The following TAF5L variants were observed in gnomAD, a reference collection of about 807,000 sequenced individuals.
TAF5L encodes TATA-box binding protein associated factor 5 like.
Under a neutral mutation model 51.3 loss-of-function variants are expected in TAF5L, and 7 were observed. That is an observed-to-expected ratio of 0.14 (90% CI 0.08 to 0.26). The LOEUF is 0.26. TAF5L is among the 10% of genes least tolerant of loss of function. The probability of loss-of-function intolerance (pLI) is 1.00; values close to 1 mark genes in which losing one functional copy is unlikely to be tolerated. For synonymous variants in TAF5L, 291 were observed against 308.1 expected (o/e 0.94, Z 0.58); for missense variants, 575 against 758.9 (o/e 0.76, Z 2.85).
chr1:229,615,617 G>GA (rs1199492928), intron 1 of TAF5L, among the ~76,000 whole-genome samples: 1,995 of 134,964 alleles, frequency 0.015, 39 homozygotes, highest in African/African-American at 0.049. Context: ...AAGGGAAAAA[G>GA]AAAAAAAAAA....
intron 2 of TAF5L, among the ~76,000 whole-genome samples, chr1:229,611,372 C>G (rs746584693): frequency 1.3e-5 from 2 of 152,134 alleles, no homozygotes; most frequent in Non-Finnish European, 2.9e-5. Flanking sequence ...GGGAAGCCAC[C>G]TTTAACCGCG....
intron 2 of TAF5L, 60 bp from the exon 3 acceptor site, chr1:229,610,270 T>C: frequency 6.6e-7 from 1 of 1,512,648 alleles, no homozygotes; most frequent in Non-Finnish European, 9.2e-7. Context: ...ATTAACCCAG[T>C]ACGTGGCAGG....
chr1:229,611,846 T>A (rs1166183837), intron 2 of TAF5L, among the ~76,000 whole-genome samples: 6 of 152,226 alleles, frequency 3.9e-5, no homozygotes, highest in Non-Finnish European at 8.8e-5. Context: ...AAACATCTAA[T>A]GGTTCCTTTG....
intron 2 of TAF5L, chr1:229,614,117 A>C (rs1471031811): frequency 1.4e-6 from 1 of 710,820 alleles, no homozygotes; most frequent in Non-Finnish European, 2.4e-6. Context: ...GACTTTAGCC[A>C]GGGGAATCAC....
chr1:229,602,606 C>T lies in TAF5L; in HGVS notation c.561G>A (p.Leu187=). 1 of 1,614,146 alleles carries T rather than the reference C, an allele frequency of 6.2e-7. No homozygotes were observed. The highest frequency in any genetic ancestry group is 8.5e-7 in the Non-Finnish European group (1 of 1,180,028). Residue 187 remains leucine (L), a synonymous_variant, in exon 4 of 5, where the codon CTG becomes CTA. Coordinates refer to ENST00000258281, the Ensembl canonical transcript of TAF5L. This position sits in a 1 kb window ranked among gnomAD's most constrained non-coding sequence, Gnocchi z 4.6. ...GAATATGTAAGGTGAGGACTTTGCACAGGGCAGTATTGTTGTCACTTTGGA... is the reference window on the plus strand; with the variant it reads ...GAATATGTAAGGTGAGGACTTTGCATAGGGCAGTATTGTTGTCACTTTGGA...
chr1:229,613,046 A>T (rs1571847602), intron 2 of TAF5L, among the ~76,000 whole-genome samples: 1 of 152,158 alleles, frequency 6.6e-6, no homozygotes, highest in East Asian at 1.9e-4. Flanking sequence ...CCTGTTACAC[A>T]GTGGCTCACA....
rs1236287596 is a variant in TAF5L at position 229,606,086 on chromosome 1, C to T, written c.248-3167G>A. 3.1e-6 allele frequency: 3 copies of T among 959,810 alleles called. No individual in the cohort carries two copies. In the African/African-American group the frequency reaches 5.3e-5, roughly 17 times the overall value. The allele number at this position is 959,810 out of a possible 1,614,324, so 59.5% of individuals were successfully genotyped here. A position where few individuals can be genotyped will look rare whatever the true frequency, so the allele number is the denominator to read the frequency against. On this transcript the variant is annotated intron_variant, in intron 3 of 4. Transcript: ENST00000258281. ...TAAGTTTAGAAAAAAACCTAGCTAT[C>T]AAGAAATAGTGATGTACTACTTTAA... is the stretch of plus-strand genomic sequence containing the variant.
At chr1:229,623,095 G>A (rs1283773069) in intron 1 of TAF5L, among the ~76,000 whole-genome samples, 2 of 152,148 alleles carry the variant, frequency 1.3e-5, no homozygotes, top group African/African-American at 4.8e-5. Context: ...TGGTCAACAT[G>A]GTGAAATCCC....
At chr1:229,598,890 G>A (rs1664252623) in intron 4 of TAF5L, among the ~76,000 whole-genome samples, 1 of 151,866 alleles carries the variant, frequency 6.6e-6, no homozygotes, top group Non-Finnish European at 1.5e-5. Flanking sequence ...ATAGAGATGG[G>A]GTTTCACCAT....
chr1:229,597,182 G>C (rs1054953244), intron 4 of TAF5L, among the ~76,000 whole-genome samples: 4 of 152,218 alleles, frequency 2.6e-5, no homozygotes, highest in Admixed American at 6.5e-5. Context: ...GACACCAGAT[G>C]AATTAAACAA....
rs143580170 is a variant in TAF5L at position 229,614,447 on chromosome 1, T to C, written c.36A>G (p.Ala12=). ...GCCGGCGTTTGAGGTAGCAGGACAC[T>C]GCCATCTGAATCTGCTCGGTACGCA... Residue 12 remains alanine, a synonymous_variant, in exon 2 of 5, where the codon GCA becomes GCG. Coordinates refer to ENST00000258281, the Ensembl canonical transcript of TAF5L. 3.7e-6 allele frequency: 6 copies of C among 1,614,120 alleles called. No homozygotes were observed. In the African/African-American group the frequency reaches 5.3e-5, roughly 14 times the overall value.
chr1:229,600,955 C>A lies in TAF5L; in HGVS notation c.972+1240G>T, dbSNP rs1002327388. 18 of 985,150 alleles carry A rather than the reference C, an allele frequency of 1.8e-5. No homozygotes were observed. In the African/African-American group the frequency reaches 3.1e-4, roughly 17 times the overall value. The allele number at this position is 985,150 out of a possible 1,614,324, so 61.0% of individuals were successfully genotyped here. On this transcript the variant is annotated intron_variant, in intron 4 of 4. Transcript: ENST00000258281. Reference sequence around the variant, plus strand: ...ACAGAAAATCGAAAGCAAATGCAGGCAGTATTCCTCAGTTTTATCAGAAGA... The same window carrying A: ...ACAGAAAATCGAAAGCAAATGCAGGAAGTATTCCTCAGTTTTATCAGAAGA...
intron 3 of TAF5L, chr1:229,606,709 A>T: frequency 1.0e-6 from 1 of 985,380 alleles, no homozygotes; most frequent in Non-Finnish European, 1.2e-6. Flanking sequence ...TGTGCCTCTT[A>T]GGAGCCAGGT....
At chr1:229,601,255 T>A (rs748782419) in intron 4 of TAF5L, 2 of 985,418 alleles carry the variant, frequency 2.0e-6, no homozygotes, top group Non-Finnish European at 2.4e-6. Context: ...ATTCTTGACA[T>A]CCTTATCATT....
chr1:229,601,449 T>G (rs905938621), intron 4 of TAF5L: 1 of 985,360 alleles, frequency 1.0e-6, no homozygotes, highest in African/African-American at 1.7e-5. Context: ...GAAGTTTAAT[T>G]TCTATCTTCC....
intron 2 of TAF5L, among the ~76,000 whole-genome samples, chr1:229,612,784 A>T (rs1664835402): frequency 6.6e-6 from 1 of 152,206 alleles, no homozygotes; most frequent in South Asian, 2.1e-4. Context: ...GGCTACTAGG[A>T]TGGAGGATGA....
intron 1 of TAF5L, among the ~76,000 whole-genome samples, chr1:229,621,870 C>A (rs1452569840): frequency 1.3e-5 from 2 of 152,174 alleles, no homozygotes; most frequent in Non-Finnish European, 2.9e-5. Context: ...TATGAATCAT[C>A]AAATTCCATT....
At chr1:229,619,942 A>G (rs528891074) in intron 1 of TAF5L, among the ~76,000 whole-genome samples, 1 of 152,182 alleles carries the variant, frequency 6.6e-6, no homozygotes, top group African/African-American at 2.4e-5. Flanking sequence ...CAGTCAATTA[A>G]CAGACATTTC....
chr1:229,608,135 C>T (rs1436255080), intron 3 of TAF5L, among the ~76,000 whole-genome samples: 1 of 152,154 alleles, frequency 6.6e-6, no homozygotes, highest in African/African-American at 2.4e-5. Flanking sequence ...GCCTTACACA[C>T]GCATAGAATT....
Sources: gnomAD v4.1 joint callset for allele counts (sites outside exome capture counted in the v4.1 genomes callset) on GRCh38, gnomAD v4.1.1 for gene constraint, Gnocchi (gnomAD v3.1) non-coding constraint, MANE v1.5 for transcripts, NCBI Gene and HGNC (gene_info 2026-07-23, HGNC 2026-07-21) for gene names.